SGCZ: variants seen among roughly 807,000 people sequenced by gnomAD.
SGCZ encodes zeta-sarcoglycan.
In SGCZ, 40 loss-of-function variants were observed where a neutral mutation model predicts 41.3. The ratio of observed to expected loss-of-function variants is 0.97; its 90% confidence interval spans 0.75 to 1.26. The LOEUF is 1.26. SGCZ is among the 50% of genes most tolerant of loss of function. The pLI is 0.00. For missense variants in SGCZ, 552 were observed against 369.8 expected (o/e 1.49, Z -4.04); for synonymous variants, 206 against 137.5 (o/e 1.50, Z -3.49).
At chr8:15,006,936 A>T (rs1802625551) in intron 1 of SGCZ, among the ~76,000 whole-genome samples, 1 of 152,232 alleles carries the variant, frequency 6.6e-6, no homozygotes, top group African/African-American at 2.4e-5. Context: ...CAAGGAGAAC[A>T]GTGCTGTGCC....
chr8:14,691,397 A>C (rs1378843880), intron 1 of SGCZ, among the ~76,000 whole-genome samples: 1 of 152,160 alleles, frequency 6.6e-6, no homozygotes, highest in Non-Finnish European at 1.5e-5. Context: ...ATACATGAAC[A>C]AACAAACTGT....
At chr8:14,098,631 T>C (rs1275373557) in intron 7 of SGCZ, among the ~76,000 whole-genome samples, 1 of 152,202 alleles carries the variant, frequency 6.6e-6, no homozygotes, top group Non-Finnish European at 1.5e-5. Flanking sequence ...TGTTTAAGTC[T>C]ACAGGCTGGG....
intron 1 of SGCZ, among the ~76,000 whole-genome samples, chr8:15,168,351 T>C (rs1039985766): frequency 2.0e-5 from 3 of 152,142 alleles, no homozygotes; most frequent in Admixed American, 6.5e-5. Flanking sequence ...CAAATTACTG[T>C]CCATGGCATA....
At chr8:14,813,796 A>G (rs1801808296) in intron 1 of SGCZ, among the ~76,000 whole-genome samples, 1 of 152,152 alleles carries the variant, frequency 6.6e-6, no homozygotes, top group African/African-American at 2.4e-5. Context: ...TACTAAAAAT[A>G]CAAAAAATTA....
intron 1 of SGCZ, among the ~76,000 whole-genome samples, chr8:14,778,643 T>A (rs534296670): frequency 2.5e-4 from 38 of 152,064 alleles, no homozygotes; most frequent in Admixed American, 1.6e-3. Flanking sequence ...GAAATGACAA[T>A]CTAATAGAAA....
At chr8:14,977,701 T>C (rs2130874757) in intron 1 of SGCZ, among the ~76,000 whole-genome samples, 1 of 152,178 alleles carries the variant, frequency 6.6e-6, no homozygotes, top group South Asian at 2.1e-4. Flanking sequence ...TGAGAAAAGT[T>C]CAATCCCAAG....
intron 1 of SGCZ, among the ~76,000 whole-genome samples, chr8:15,019,104 G>A (rs1194384358): frequency 1.3e-5 from 2 of 152,164 alleles, no homozygotes; most frequent in Non-Finnish European, 2.9e-5. Flanking sequence ...TTACCTCCCA[G>A]CAAGTCCCTC....
At chr8:14,317,171 C>T (rs73209862) in intron 3 of SGCZ, among the ~76,000 whole-genome samples, 37,804 of 151,944 alleles carry the variant, frequency 0.25, 5,477 homozygotes, top group South Asian at 0.47. Flanking sequence ...AAACATTTAG[C>T]GCAATGTTTG....
At chr8:14,692,275 G>C (rs1808824868) in intron 1 of SGCZ, among the ~76,000 whole-genome samples, 1 of 151,954 alleles carries the variant, frequency 6.6e-6, no homozygotes, top group South Asian at 2.1e-4. Context: ...ATAGGATATT[G>C]TCAAATGAGC....
At chr8:15,219,430 C>A (rs1011468379) in intron 1 of SGCZ, among the ~76,000 whole-genome samples, 5 of 152,236 alleles carry the variant, frequency 3.3e-5, no homozygotes, top group Admixed American at 2.6e-4. Flanking sequence ...CATAAACTAT[C>A]AGTTATTTCC....
intron 2 of SGCZ, among the ~76,000 whole-genome samples, chr8:14,399,477 G>A (rs536509556): frequency 5.3e-5 from 8 of 152,074 alleles, no homozygotes; most frequent in African/African-American, 1.9e-4. Flanking sequence ...ATTTATTTAT[G>A]CCTGGATATA....
At chr8:14,564,506 T>C (rs989519355) in intron 1 of SGCZ, among the ~76,000 whole-genome samples, 1 of 152,144 alleles carries the variant, frequency 6.6e-6, no homozygotes, top group African/African-American at 2.4e-5. Context: ...CTCAAATGCA[T>C]ATTACATTGA....
intron 3 of SGCZ, among the ~76,000 whole-genome samples, chr8:14,288,367 C>T (rs12548539): frequency 0.72 from 109,070 of 151,894 alleles, 40,298 homozygotes; most frequent in Non-Finnish European, 0.8. Flanking sequence ...ACCATTATTA[C>T]TATCAAGTTC....
At chr8:14,097,182 A>G (rs1224391575) in intron 7 of SGCZ, among the ~76,000 whole-genome samples, 1 of 151,684 alleles carries the variant, frequency 6.6e-6, no homozygotes, top group Non-Finnish European at 1.5e-5. Context: ...TTTAATTGTG[A>G]TGTTAGGGTG....
At position 15,194,564 on chromosome 8, in the gene SGCZ, G is replaced by T. The variant is rs547474400; in HGVS notation, c.39+43021C>A. On this transcript the variant is annotated intron_variant, in intron 1 of 7. Coordinates refer to ENST00000382080, the MANE Select transcript of SGCZ (RefSeq NM_139167.4). ...TCGTGGATTACCCAAGTGGGCCAATGGAATCACGAGGGTTCTAATAAAGGG... is the reference window on the plus strand; with the variant it reads ...TCGTGGATTACCCAAGTGGGCCAATTGAATCACGAGGGTTCTAATAAAGGG... 6.6e-5 allele frequency among the ~76,000 whole-genome samples: 10 copies of T among 152,224 alleles called. No individual in the cohort carries two copies. The South Asian group carries it at 2.1e-3, about 32-fold the overall frequency.
chr8:14,544,032 A>G (rs1381680784), intron 2 of SGCZ, among the ~76,000 whole-genome samples: 5 of 152,142 alleles, frequency 3.3e-5, no homozygotes. Flanking sequence ...GCACAGAGTA[A>G]TTATTTGTAA....
intron 2 of SGCZ, among the ~76,000 whole-genome samples, chr8:14,436,453 G>A (rs1410798552): frequency 6.6e-6 from 1 of 152,172 alleles, no homozygotes; most frequent in African/African-American, 2.4e-5. Context: ...TATGCAAAGT[G>A]TGGGCCATAC....
intron 1 of SGCZ, among the ~76,000 whole-genome samples, chr8:14,768,020 C>T (rs1005360638): frequency 6.6e-6 from 1 of 152,194 alleles, no homozygotes; most frequent in African/African-American, 2.4e-5. Flanking sequence ...CCTTCTCACA[C>T]ATCTTGTTGT....
At chr8:14,306,733 T>G (rs1801364246) in intron 3 of SGCZ, among the ~76,000 whole-genome samples, 1 of 152,196 alleles carries the variant, frequency 6.6e-6, no homozygotes, top group Non-Finnish European at 1.5e-5. Context: ...TTTGCATTAT[T>G]TGTGGTCAAT....
Sources: gnomAD v4.1 joint callset for allele counts (sites outside exome capture counted in the v4.1 genomes callset) on GRCh38, gnomAD v4.1.1 for gene constraint, MANE v1.5 for transcripts, NCBI Gene and HGNC (gene_info 2026-07-23, HGNC 2026-07-21) for gene names.